The following MAGI1 variants were observed in gnomAD, a reference collection of about 807,000 sequenced individuals.
MAGI1 encodes the protein membrane-associated guanylate kinase, WW and PDZ domain-containing protein 1.
In MAGI1, 58 loss-of-function variants were observed where a neutral mutation model predicts 139.9. The observed-to-expected ratio is 0.41, with a 90% CI of 0.34 to 0.52. The LOEUF is 0.52. Ranked by LOEUF, MAGI1 falls within the 20% of genes least tolerant of loss-of-function variation. The pLI is 0.12. For missense variants in MAGI1, 1,874 were observed against 1,901.6 expected (o/e 0.99, Z 0.27); for synonymous variants, 812 against 737.9 (o/e 1.10, Z -1.63).
rs1453328862 is a variant in MAGI1 at position 65,974,381 on chromosome 3, G to A, written c.313+63615C>T. On this transcript the variant is annotated intron_variant, in intron 1 of 22. Coordinates refer to ENST00000402939, the MANE Select transcript of MAGI1 (RefSeq NM_001033057.2). ...TGGATGGATGGGTGGGCGGGTGGGC[G>A]GGTGGCTGGGTGGATGGGTGGATGG... is the stretch of plus-strand genomic sequence containing the variant. Among the ~76,000 whole-genome samples the A allele has an allele frequency of 2.1e-4, 20 of 95,692 alleles. 2 individuals carry two copies. Among genetic ancestry groups the A allele is most frequent in the Middle Eastern group, 9.7e-3 (2 of 206 alleles). 62.8% of individuals were successfully genotyped at this position (95,692 alleles called of 152,430 possible).
intron 4 of MAGI1, among the ~76,000 whole-genome samples, chr3:65,471,676 G>A (rs748460741): frequency 9.2e-5 from 14 of 152,184 alleles, no homozygotes; most frequent in South Asian, 8.3e-4. Context: ...GGTCCAGGAC[G>A]GGACCTACTC....
At chr3:65,605,274 T>C (rs1422953409) in intron 2 of MAGI1, among the ~76,000 whole-genome samples, 2 of 152,222 alleles carry the variant, frequency 1.3e-5, no homozygotes, top group Non-Finnish European at 2.9e-5. Flanking sequence ...GTTGTGACTC[T>C]TGCTGGCTTC....
intron 2 of MAGI1, among the ~76,000 whole-genome samples, chr3:65,559,727 T>C (rs1049042502): frequency 6.6e-6 from 1 of 152,102 alleles, no homozygotes; most frequent in Admixed American, 6.5e-5. Context: ...GGCTCATGGG[T>C]GACAAACCAG....
chr3:65,465,514 T>A (rs984348899), intron 5 of MAGI1, among the ~76,000 whole-genome samples: 35 of 152,138 alleles, frequency 2.3e-4, no homozygotes, highest in African/African-American at 7.7e-4. Flanking sequence ...GGATGTAGAA[T>A]TTTGGGTTAA....
intron 1 of MAGI1, among the ~76,000 whole-genome samples, chr3:65,814,154 C>A (rs1381120756): frequency 1.3e-5 from 2 of 152,068 alleles, no homozygotes; most frequent in Non-Finnish European, 2.9e-5. Context: ...TCTTTAGTAG[C>A]TGCTAAAGAT....
At chr3:65,923,774 G>A (rs3910075) in intron 1 of MAGI1, among the ~76,000 whole-genome samples, 29,439 of 151,918 alleles carry the variant, frequency 0.19, 2,870 homozygotes, top group Admixed American at 0.23. Context: ...CACTGCACAA[G>A]CACATTTGGC....
At chr3:65,492,614 C>T (rs1952122039) in intron 3 of MAGI1, among the ~76,000 whole-genome samples, 1 of 152,090 alleles carries the variant, frequency 6.6e-6, no homozygotes, top group Admixed American at 6.5e-5. Flanking sequence ...TATATACTAC[C>T]TTTTGGGGAA....
At chr3:65,969,777 C>A (rs984365373) in intron 1 of MAGI1, among the ~76,000 whole-genome samples, 2 of 152,124 alleles carry the variant, frequency 1.3e-5, no homozygotes, top group Admixed American at 1.3e-4. Context: ...CTATTAAGCA[C>A]CTGAAATACA....
chr3:65,618,653 A>G (rs9822744), intron 2 of MAGI1, among the ~76,000 whole-genome samples: 39,669 of 152,038 alleles, frequency 0.26, 5,329 homozygotes, highest in Middle Eastern at 0.36. Flanking sequence ...GAGAGTTACA[A>G]AGAATTGGTT....
chr3:65,873,713 A>C (rs1016222183), intron 1 of MAGI1: 6 of 152,208 alleles, frequency 3.9e-5, no homozygotes, highest in African/African-American at 1.4e-4. Flanking sequence ...TGCCAAGAAA[A>C]TTTAACAGAA....
intron 5 of MAGI1, among the ~76,000 whole-genome samples, chr3:65,466,181 A>T (rs1950160006): frequency 6.6e-6 from 1 of 152,188 alleles, no homozygotes. Flanking sequence ...AAGTAATTTT[A>T]TGATGGCTGC....
At chr3:65,543,281 G>A (rs551632751) in intron 2 of MAGI1, among the ~76,000 whole-genome samples, 1 of 152,290 alleles carries the variant, frequency 6.6e-6, no homozygotes, top group East Asian at 1.9e-4. Context: ...AGACAAACAG[G>A]AACATTTTTA....
chr3:66,017,622 C>G (rs1313841177), intron 1 of MAGI1, among the ~76,000 whole-genome samples: 2 of 152,220 alleles, frequency 1.3e-5, no homozygotes, highest in East Asian at 3.8e-4. Context: ...GACCGCTAAA[C>G]TGGAGAGGAT....
At chr3:65,781,833 C>A (rs1333536279) in intron 1 of MAGI1, among the ~76,000 whole-genome samples, 1 of 152,350 alleles carries the variant, frequency 6.6e-6, no homozygotes, top group South Asian at 2.1e-4. Flanking sequence ...TACGCAAACA[C>A]AGAGAGTACA....
intron 1 of MAGI1, among the ~76,000 whole-genome samples, chr3:65,728,116 GA>G (rs1369681796): frequency 6.6e-6 from 1 of 152,142 alleles, no homozygotes; most frequent in East Asian, 1.9e-4. Context: ...GAAGGGTCTG[GA>G]AGTCTGGAAG....
At chr3:65,566,016 G>A (rs918944959) in intron 2 of MAGI1, among the ~76,000 whole-genome samples, 3 of 152,050 alleles carry the variant, frequency 2.0e-5, no homozygotes, top group Non-Finnish European at 4.4e-5. Context: ...AGCACTTTGG[G>A]AGGCTGAGGC....
intron 1 of MAGI1, among the ~76,000 whole-genome samples, chr3:65,878,077 C>A (rs942264900): frequency 4.6e-5 from 7 of 151,908 alleles, no homozygotes; most frequent in African/African-American, 1.7e-4. Flanking sequence ...CACCACTGCA[C>A]TCCAGCCTAC....
chr3:65,363,088 T>G (rs940421209), intron 21 of MAGI1, among the ~76,000 whole-genome samples: 2 of 152,216 alleles, frequency 1.3e-5, no homozygotes, highest in African/African-American at 4.8e-5. Context: ...CAGGGCCATA[T>G]GGCTTTCCTG....
At chr3:65,669,606 T>G (rs909886843) in intron 1 of MAGI1, among the ~76,000 whole-genome samples, 1 of 152,184 alleles carries the variant, frequency 6.6e-6, no homozygotes, top group Admixed American at 6.5e-5. Context: ...AGCCATTGCT[T>G]TGATTGTGTT....
Sources: allele counts gnomAD v4.1 joint callset (sites outside exome capture counted in the v4.1 genomes callset), GRCh38; gene constraint gnomAD v4.1.1; transcripts MANE v1.5; gene names NCBI Gene and HGNC (gene_info 2026-07-23, HGNC 2026-07-21).